The following GRM8 variants were observed in gnomAD, a reference collection of about 807,000 sequenced individuals.
The protein encoded by GRM8 is metabotropic glutamate receptor 8.
In GRM8, 47 loss-of-function variants were observed where a neutral mutation model predicts 87.2. That is an observed-to-expected ratio of 0.54 (90% CI 0.43 to 0.69). GRM8 has a LOEUF of 0.69. Ranked by LOEUF, GRM8 falls within the 30% of genes least tolerant of loss-of-function variation. The pLI is 0.00. For synonymous variants in GRM8, 396 were observed against 404.5 expected (o/e 0.98, Z 0.25); for missense variants, 1,019 against 1,139.2 (o/e 0.89, Z 1.52).
chr7:126,964,224 C>T (rs944539148), intron 3 of GRM8, among the ~76,000 whole-genome samples: 1 of 152,122 alleles, frequency 6.6e-6, no homozygotes, highest in Non-Finnish European at 1.5e-5. Flanking sequence ...TAGAAGAAAA[C>T]CTAGGCAATA....
At chr7:127,064,161 T>G (rs1820881305) in intron 3 of GRM8, among the ~76,000 whole-genome samples, 1 of 152,194 alleles carries the variant, frequency 6.6e-6, no homozygotes, top group Admixed American at 6.5e-5. Context: ...ATGTTGAGTT[T>G]AGGTCTTGAA....
At chr7:127,014,937 G>A (rs1223705081) in intron 3 of GRM8, among the ~76,000 whole-genome samples, 1 of 137,088 alleles carries the variant, frequency 7.3e-6, no homozygotes. Context: ...GAGAGAGAGA[G>A]AGAGAGAAAG....
Position 127,049,389 on chromosome 7 carries a change from G to A in GRM8, c.727+57107C>T, listed in dbSNP as rs956139757. 4.6e-5 allele frequency among the ~76,000 whole-genome samples: 7 copies of A among 152,202 alleles called. No homozygotes were observed. The South Asian group carries it at 6.2e-4, about 14-fold the overall frequency. On this transcript the variant is annotated intron_variant, in intron 3 of 10. Transcript: ENST00000339582. ...TACAAATTTGATCTCCAGTTTATTCGTGTTGAGTTTGTAAACCATGCACAC... is the reference window on the plus strand; with the variant it reads ...TACAAATTTGATCTCCAGTTTATTCATGTTGAGTTTGTAAACCATGCACAC...
intron 7 of GRM8, among the ~76,000 whole-genome samples, chr7:126,665,881 CT>C (rs1805708231): frequency 1.3e-5 from 2 of 151,984 alleles, no homozygotes. Context: ...TTTCAATAAT[CT>C]TCTTGATAAT....
chr7:126,492,396 A>G (rs1338201686), intron 9 of GRM8, among the ~76,000 whole-genome samples: 1 of 151,994 alleles, frequency 6.6e-6, no homozygotes, highest in Non-Finnish European at 1.5e-5. Flanking sequence ...AGATTTTTAC[A>G]TTATCTTAAT....
At chr7:126,974,132 C>T (rs548655570) in intron 3 of GRM8, among the ~76,000 whole-genome samples, 8 of 152,188 alleles carry the variant, frequency 5.3e-5, no homozygotes, top group East Asian at 1.9e-4. Context: ...TATATGTATA[C>T]GGTGTAATAA....
At chr7:127,174,370 A>G (rs1184952425) in intron 2 of GRM8, among the ~76,000 whole-genome samples, 1 of 152,172 alleles carries the variant, frequency 6.6e-6, no homozygotes, top group Non-Finnish European at 1.5e-5. Flanking sequence ...CTTCTACCTC[A>G]GGCCAACCCA....
chr7:126,817,967 T>C (rs1425380797), intron 6 of GRM8, among the ~76,000 whole-genome samples: 2 of 152,252 alleles, frequency 1.3e-5, no homozygotes, highest in African/African-American at 4.8e-5. Context: ...GCAAGCCTTA[T>C]GGAATTAAAA....
At chr7:126,539,956 T>C (rs1293365892) in intron 8 of GRM8, among the ~76,000 whole-genome samples, 1 of 152,032 alleles carries the variant, frequency 6.6e-6, no homozygotes, top group Non-Finnish European at 1.5e-5. Flanking sequence ...TTGCACTTCA[T>C]CTATGTTAAA....
chr7:127,031,547 C>A (rs902310162), intron 3 of GRM8, among the ~76,000 whole-genome samples: 7 of 151,926 alleles, frequency 4.6e-5, no homozygotes, highest in African/African-American at 1.7e-4. Context: ...TATTGTATCT[C>A]TCTGTTACAA....
chr7:126,657,829 C>T (rs1367092970), intron 7 of GRM8, among the ~76,000 whole-genome samples: 1 of 152,158 alleles, frequency 6.6e-6, no homozygotes, highest in Non-Finnish European at 1.5e-5. Context: ...AGAGGAGGAG[C>T]CTCCGCTGAG....
intron 3 of GRM8, among the ~76,000 whole-genome samples, chr7:127,050,963 C>T (rs1000469206): frequency 1.6e-5 from 2 of 128,850 alleles, no homozygotes; most frequent in Non-Finnish European, 3.3e-5. Flanking sequence ...CTCCATCTTT[C>T]TCTCACACAA....
At chr7:127,233,196 A>G (rs566030290) in intron 2 of GRM8, among the ~76,000 whole-genome samples, 1 of 152,308 alleles carries the variant, frequency 6.6e-6, no homozygotes, top group East Asian at 1.9e-4. Context: ...AAGGTAACAC[A>G]GTTAACAAGC....
intron 3 of GRM8, among the ~76,000 whole-genome samples, chr7:127,037,483 T>C (rs571571537): frequency 6.6e-6 from 1 of 152,308 alleles, no homozygotes; most frequent in African/African-American, 2.4e-5. Context: ...TGTGACATGC[T>C]GGTCCCTCTT....
chr7:127,088,984 A>T (rs1823786179), intron 3 of GRM8, among the ~76,000 whole-genome samples: 1 of 152,148 alleles, frequency 6.6e-6, no homozygotes, highest in Non-Finnish European at 1.5e-5. Context: ...CATCCTTTCC[A>T]CTAAAGGTGC....
intron 9 of GRM8, among the ~76,000 whole-genome samples, chr7:126,522,432 A>G (rs573963527): frequency 1.3e-5 from 2 of 152,332 alleles, no homozygotes; most frequent in Admixed American, 1.3e-4. Flanking sequence ...TCGAATCCCT[A>G]GCAAATGAAG....
intron 2 of GRM8, among the ~76,000 whole-genome samples, chr7:127,116,109 C>A (rs1826683173): frequency 6.6e-6 from 1 of 152,176 alleles, no homozygotes; most frequent in South Asian, 2.1e-4. Flanking sequence ...GAGAAAGACA[C>A]TGCCACTCAA....
intron 9 of GRM8, among the ~76,000 whole-genome samples, chr7:126,528,433 G>A (rs1359256431): frequency 6.6e-6 from 1 of 152,116 alleles, no homozygotes; most frequent in African/African-American, 2.4e-5. Context: ...AGAAAATGGT[G>A]AGCAAAATCA....
chr7:126,694,557 T>G (rs1295410476), intron 7 of GRM8, among the ~76,000 whole-genome samples: 1 of 152,230 alleles, frequency 6.6e-6, no homozygotes, highest in African/African-American at 2.4e-5. Context: ...TTCTCTTTTT[T>G]GCAATTGATT....
Sources: gnomAD v4.1 joint callset for allele counts (sites outside exome capture counted in the v4.1 genomes callset) on GRCh38, gnomAD v4.1.1 for gene constraint, MANE v1.5 for transcripts, NCBI Gene and HGNC (gene_info 2026-07-23, HGNC 2026-07-21) for gene names.